Variants in BMPR1B observed in about 807,000 individuals in gnomAD.
The protein encoded by BMPR1B is bone morphogenetic protein receptor type-1B.
A neutral mutation model predicts 59.1 loss-of-function variants in BMPR1B; 12 were observed. The ratio of observed to expected loss-of-function variants is 0.20; its 90% CI spans 0.13 to 0.33. The LOEUF is 0.33. Ranked by LOEUF, BMPR1B falls within the 10% of genes least tolerant of loss-of-function variation. The pLI is 1.00. For missense variants in BMPR1B, 550 were observed against 610.9 expected, an observed-to-expected ratio of 0.90 and a Z score of 1.05; for synonymous variants, 237 against 207.3, an observed-to-expected ratio of 1.14 and a Z score of -1.23.
intron 1 of BMPR1B, among the ~76,000 whole-genome samples, chr4:94,790,024 G>T (rs947204594): frequency 6.6e-6 from 1 of 151,992 alleles, no homozygotes; most frequent in African/African-American, 2.4e-5. Context: ...TCTTCCTTAC[G>T]ATTTTCTTAA....
intron 10 of BMPR1B, among the ~76,000 whole-genome samples, chr4:95,135,498 G>A (rs893402593): frequency 6.6e-6 from 1 of 152,192 alleles, no homozygotes. Flanking sequence ...CCATGAGCAT[G>A]GAAAGTTCTT....
At chr4:95,069,336 TC>T (rs1162131507) in intron 3 of BMPR1B, among the ~76,000 whole-genome samples, 2 of 152,176 alleles carry the variant, frequency 1.3e-5, no homozygotes, top group Non-Finnish European at 2.9e-5. Flanking sequence ...GAAGATCTGT[TC>T]CCCATTTCTT....
At chr4:94,769,129 T>TA (rs1722076909) in intron 1 of BMPR1B, among the ~76,000 whole-genome samples, 2 of 152,246 alleles carry the variant, frequency 1.3e-5, no homozygotes, top group Admixed American at 6.5e-5. Flanking sequence ...CTTTTTTGGC[T>TA]CATCTGTCCT....
chr4:94,901,495 G>A (rs890022721), intron 2 of BMPR1B, among the ~76,000 whole-genome samples: 1 of 151,918 alleles, frequency 6.6e-6, no homozygotes, highest in African/African-American at 2.4e-5. Flanking sequence ...GTTGAGTGTG[G>A]TGAGAACATA....
At chr4:95,147,441 G>A (rs1332625740) in intron 10 of BMPR1B, among the ~76,000 whole-genome samples, 2 of 152,120 alleles carry the variant, frequency 1.3e-5, no homozygotes, top group African/African-American at 4.8e-5. Flanking sequence ...GAAGCCACTA[G>A]TGTTTTGGTA....
intron 3 of BMPR1B, among the ~76,000 whole-genome samples, chr4:95,050,481 AC>A (rs1726419061): frequency 6.6e-6 from 1 of 152,166 alleles, no homozygotes; most frequent in African/African-American, 2.4e-5. Flanking sequence ...AACAAAAAAA[AC>A]ATTGTTGGGT....
chr4:94,798,949 C>T (rs911279955), intron 1 of BMPR1B, among the ~76,000 whole-genome samples: 1 of 151,766 alleles, frequency 6.6e-6, no homozygotes, highest in Non-Finnish European at 1.5e-5. Context: ...GACAGGCAGT[C>T]TCCTCAGCAA....
chr4:95,028,997 A>G (rs1724617354), intron 3 of BMPR1B, among the ~76,000 whole-genome samples: 1 of 151,372 alleles, frequency 6.6e-6, no homozygotes, highest in African/African-American at 2.4e-5. Flanking sequence ...TTATATCACG[A>G]TAATTGAAAT....
intron 1 of BMPR1B, among the ~76,000 whole-genome samples, chr4:94,835,312 AACGTGT>A (rs1323798183): frequency 1.3e-5 from 2 of 152,114 alleles, no homozygotes; most frequent in Non-Finnish European, 2.9e-5. Context: ...TGGGATTACA[AACGTGT>A]ACCACCATGC....
chr4:95,042,420 C>CA (rs35806048), intron 3 of BMPR1B, among the ~76,000 whole-genome samples: 7 of 150,832 alleles, frequency 4.6e-5, no homozygotes, highest in East Asian at 1.9e-4. Context: ...TCATTTCATG[C>CA]AAAAAAAATT....
chr4:94,856,544 A>T (rs931411954), intron 1 of BMPR1B, among the ~76,000 whole-genome samples: 1 of 152,192 alleles, frequency 6.6e-6, no homozygotes, highest in Non-Finnish European at 1.5e-5. Flanking sequence ...CTGATTAACA[A>T]TATGTAACAA....
chr4:94,934,983 G>A (rs1307034358), intron 2 of BMPR1B, among the ~76,000 whole-genome samples: 1 of 151,984 alleles, frequency 6.6e-6, no homozygotes, highest in Non-Finnish European at 1.5e-5. Flanking sequence ...AGTGTGTAGT[G>A]TGTTTTCATA....
intron 2 of BMPR1B, among the ~76,000 whole-genome samples, chr4:94,975,360 T>TTTG (rs1284464646): frequency 2.7e-5 from 3 of 110,354 alleles, no homozygotes; most frequent in Non-Finnish European, 5.1e-5. Context: ...TCCTTTTGTT[T>TTTG]TTGTTTTTTT....
chr4:94,999,614 C>T lies in BMPR1B; in HGVS notation c.-18+3480C>T, dbSNP rs371311372. ...CAAAAAAACCAGCTAGTTGCTGTGG[C>T]CGTGTTGACTGCTGTGGTAAATTAA... On this transcript the variant is annotated intron_variant, in intron 3 of 12. Transcript: ENST00000515059. 2.5e-4 allele frequency among the ~76,000 whole-genome samples: 38 copies of T among 152,254 alleles called. No homozygotes were observed. The South Asian group carries it at 7.3e-3, about 29-fold the overall frequency.
intron 1 of BMPR1B, among the ~76,000 whole-genome samples, chr4:94,783,910 A>G (rs748900535): frequency 6.6e-6 from 1 of 151,994 alleles, no homozygotes; most frequent in Non-Finnish European, 1.5e-5. Context: ...TTATCCTTTG[A>G]CTTGGAGCCC....
intron 3 of BMPR1B, among the ~76,000 whole-genome samples, chr4:95,085,753 T>C (rs1426227581): frequency 1.3e-5 from 2 of 152,182 alleles, no homozygotes; most frequent in Admixed American, 6.5e-5. Context: ...ATATCCTGTT[T>C]TGTGCATTAG....
Position 94,954,930 on chromosome 4 carries a change from A to C in BMPR1B, c.-112-41110A>C, listed in dbSNP as rs529029622. On this transcript the variant is annotated intron_variant, in intron 2 of 12. Transcript: ENST00000515059. ...TTACTACTGTTATTATTATTATATAAGACTTACCCTTCACATTCACAGTCT... is the reference window on the plus strand; with the variant it reads ...TTACTACTGTTATTATTATTATATACGACTTACCCTTCACATTCACAGTCT... Among the ~76,000 whole-genome samples, 17 of 152,290 alleles carry C rather than the reference A, an allele frequency of 1.1e-4. No individual in the cohort carries two copies. In the South Asian group the frequency reaches 3.5e-3, roughly 32 times the overall value.
At chr4:94,802,894 G>A (rs960325229) in intron 1 of BMPR1B, among the ~76,000 whole-genome samples, 1 of 151,982 alleles carries the variant, frequency 6.6e-6, no homozygotes, top group Non-Finnish European at 1.5e-5. Flanking sequence ...ATGCTTTTTT[G>A]TAGCTCTTCT....
chr4:94,940,974 G>A (rs1729488391), intron 2 of BMPR1B, among the ~76,000 whole-genome samples: 1 of 152,028 alleles, frequency 6.6e-6, no homozygotes, highest in African/African-American at 2.4e-5. Context: ...TTGGTGGGAC[G>A]TTAGATACTT....
Sources: allele counts gnomAD v4.1 joint callset (sites outside exome capture counted in the v4.1 genomes callset), GRCh38; gene constraint gnomAD v4.1.1; transcripts MANE v1.5; gene names NCBI Gene and HGNC (gene_info 2026-07-23, HGNC 2026-07-21).